The following HMCN1 variants were observed in gnomAD, a reference collection of about 807,000 sequenced individuals.
The protein encoded by HMCN1 is hemicentin 1.
HMCN1 carries 321 observed loss-of-function variants against 625.9 expected under a neutral mutation model. The ratio of observed to expected loss-of-function variants is 0.51; its 90% CI spans 0.47 to 0.56. HMCN1 has a LOEUF of 0.56. Ranked by LOEUF, HMCN1 falls within the 20% of genes least tolerant of loss-of-function variation. The probability of loss-of-function intolerance (pLI) is 0.00; values close to 1 mark genes in which losing one functional copy is unlikely to be tolerated. For missense variants in HMCN1, 6,588 were observed against 6,887.3 expected (o/e 0.96, Z 1.54); for synonymous variants, 2,425 against 2,417.6 (o/e 1.00, Z -0.09).
At position 185,933,683 on chromosome 1, in the gene HMCN1, G is replaced by A. The variant is rs781733335; in HGVS notation, c.1687G>A (p.Ala563Thr). 2 of 1,613,942 alleles carry A rather than the reference G, an allele frequency of 1.2e-6. No individual in the cohort carries two copies. Among genetic ancestry groups the A allele is most frequent in the Non-Finnish European group, 1.7e-6 (2 of 1,179,958 alleles). The change falls in exon 11 of 107, where the codon GCA becomes ACA. Residue 563 changes from alanine to threonine, a missense_variant. Physicochemically the swap from Ala to Thr is moderately conservative, Grantham distance 58 (BLOSUM62 0). Around this residue, in one of 3 missense-constraint regions of HMCN1, gnomAD observed 4,628 missense variants for 4,853.1 expected, o/e 0.95. Transcript: ENST00000271588. ...GAGGAATGACAGAGATGTCAGACTG[G>A]CAGAGCCAGCGAGAATTAGGACCTT... is the stretch of plus-strand genomic sequence containing the variant. ...WQRNDRDVRL[A>T]EPARIRTLAN...
At chr1:186,088,998 C>T (rs1659688654) in intron 63 of HMCN1, among the ~76,000 whole-genome samples, 1 of 151,858 alleles carries the variant, frequency 6.6e-6, no homozygotes, top group Non-Finnish European at 1.5e-5. Flanking sequence ...TTTCCATTTC[C>T]ACTTCCATTA....
At chr1:186,101,646 A>G (rs2383433) in intron 68 of HMCN1, among the ~76,000 whole-genome samples, 95,986 of 151,808 alleles carry the variant, frequency 0.63, 32,298 homozygotes, top group African/African-American at 0.88. Context: ...AGATCTGGAC[A>G]GTCTGGGGTT....
intron 4 of HMCN1, among the ~76,000 whole-genome samples, chr1:185,899,063 A>C (rs181633350): frequency 9.9e-5 from 15 of 152,216 alleles, no homozygotes; most frequent in Non-Finnish European, 1.9e-4. Context: ...AAGGGTAATA[A>C]AATGTGTTTA....
At chr1:185,905,081 A>G (rs1031438299) in intron 4 of HMCN1, among the ~76,000 whole-genome samples, 1 of 151,864 alleles carries the variant, frequency 6.6e-6, no homozygotes, top group African/African-American at 2.4e-5. Flanking sequence ...ATTTAAAACC[A>G]TGCATACAAG....
intron 2 of HMCN1, among the ~76,000 whole-genome samples, chr1:185,863,352 A>G (rs1305069531): frequency 6.6e-6 from 1 of 152,182 alleles, no homozygotes; most frequent in Non-Finnish European, 1.5e-5. Context: ...TTATGTATTA[A>G]TTGCTCAAAT....
At chr1:185,918,996 C>G (rs1187306153) in intron 6 of HMCN1, among the ~76,000 whole-genome samples, 1 of 151,560 alleles carries the variant, frequency 6.6e-6, no homozygotes, top group Non-Finnish European at 1.5e-5. Flanking sequence ...ATATAACCCA[C>G]AGGTTGAATC....
intron 4 of HMCN1, among the ~76,000 whole-genome samples, chr1:185,908,231 GAA>G (rs11335005): frequency 7.0e-6 from 1 of 142,876 alleles, no homozygotes; most frequent in Admixed American, 7.0e-5. Flanking sequence ...GAAAGAAACA[GAA>G]AAAAAAAAGG....
intron 105 of HMCN1, among the ~76,000 whole-genome samples, chr1:186,185,515 G>C (rs979725808): frequency 1.3e-5 from 2 of 152,154 alleles, no homozygotes; most frequent in Non-Finnish European, 2.9e-5. Flanking sequence ...ATTCCTGTAG[G>C]AAAGCTAATC....
At chr1:185,900,781 C>A (rs1665761759) in intron 4 of HMCN1, among the ~76,000 whole-genome samples, 1 of 151,858 alleles carries the variant, frequency 6.6e-6, no homozygotes, top group South Asian at 2.1e-4. Flanking sequence ...ATATTGAGAA[C>A]TTCACTTTAG....
intron 31 of HMCN1, 72 bp from the exon 32 acceptor site, chr1:186,015,886 T>A: frequency 7.1e-7 from 1 of 1,399,674 alleles, no homozygotes; most frequent in Non-Finnish European, 1.0e-6. Flanking sequence ...CAAAAGCTCT[T>A]CTTTATTTCA....
At chr1:185,774,264 G>A (rs1203122345) in intron 1 of HMCN1, among the ~76,000 whole-genome samples, 3 of 152,104 alleles carry the variant, frequency 2.0e-5, no homozygotes, top group African/African-American at 7.2e-5. Flanking sequence ...ATAAATAGAT[G>A]TGATTGATGG....
intron 16 of HMCN1, among the ~76,000 whole-genome samples, chr1:185,980,457 G>A (rs562935047): frequency 8.5e-5 from 13 of 152,304 alleles, no homozygotes; most frequent in African/African-American, 1.9e-4. Context: ...CTTCAAAGTC[G>A]TGCTGGACTT....
intron 4 of HMCN1, among the ~76,000 whole-genome samples, chr1:185,882,015 A>T (rs1473928179): frequency 1.3e-5 from 2 of 152,168 alleles, no homozygotes; most frequent in East Asian, 1.9e-4. Context: ...TTTTTCTTTT[A>T]GAAATGTCTA....
chr1:186,005,495 T>C (rs1653559463), intron 29 of HMCN1, among the ~76,000 whole-genome samples: 1 of 151,476 alleles, frequency 6.6e-6, no homozygotes, highest in South Asian at 2.1e-4. Context: ...TGTTTATAAA[T>C]GTTTATAAAC....
At position 186,130,089 on chromosome 1, in the gene HMCN1, T is replaced by C; in HGVS notation, c.13028T>C (p.Val4343Ala). 6.2e-7 allele frequency: 1 copy of C among 1,613,150 alleles called. No homozygotes were observed. Among genetic ancestry groups the C allele is most frequent in the South Asian group, 1.1e-5 (1 of 91,084 alleles). The part of the protein sequence containing the change: ...SVGFVKAIGF[V>A]YVKEPPVFKG... Reference sequence around the variant, plus strand: ...GGCTTTGTGAAGGCAATTGGATTTGTTTATGTGAAAGGTAGGGAAAAGCGC... The same window carrying C: ...GGCTTTGTGAAGGCAATTGGATTTGCTTATGTGAAAGGTAGGGAAAAGCGC... Residue 4343 changes from valine (V) to alanine (A), a missense_variant, in exon 84 of 107, where the codon GTT becomes GCT. Val to Ala is a moderately conservative substitution (Grantham distance 64, BLOSUM62 0). This residue lies in a region of HMCN1 where 1,954 missense variants were observed against 2,013.1 expected (regional missense o/e 0.97). Transcript: ENST00000271588.
Position 186,081,300 on chromosome 1 carries a change from G to A in HMCN1, c.8693G>A (p.Gly2898Asp). Reference protein sequence around the residue: ...KSALIECLSSGSPAPRNSWQK... With the variant: ...KSALIECLSSDSPAPRNSWQK... ...GCACTGATAGAGTGTTTATCCAGTGGCAGCCCAGCACCAAGGAATTCCTGG... is the reference window on the plus strand; with the variant it reads ...GCACTGATAGAGTGTTTATCCAGTGACAGCCCAGCACCAAGGAATTCCTGG... The change falls in exon 56 of 107, where the codon GGC (glycine) becomes GAC (aspartate). Residue 2898 changes from glycine to aspartate, a missense_variant. This residue lies in a region of HMCN1 where 4,628 missense variants were observed against 4,853.1 expected (regional missense o/e 0.95). Coordinates refer to ENST00000271588, the MANE Select transcript of HMCN1 (RefSeq NM_031935.3). 2 of 1,613,422 alleles carry A rather than the reference G, an allele frequency of 1.2e-6. No individual in the cohort carries two copies. The highest frequency in any genetic ancestry group is 2.2e-5 in the East Asian group (1 of 44,870).
At position 186,001,341 on chromosome 1, in the gene HMCN1, G is replaced by C; in HGVS notation, c.4113G>C (p.Ser1371=). ...ATAAAGAACAAGTTACAAATGTGTC[G>C]GTGTTGTTAAATCAGCTGACCAATC... ...IKDKEQVTNV[S]VLLNQLTNLF... The change falls in exon 27 of 107, where the codon TCG becomes TCC. Residue 1371 remains serine, a synonymous_variant. Transcript: ENST00000271588. 1 of 1,611,570 alleles carries C rather than the reference G, an allele frequency of 6.2e-7. No homozygotes were observed. Among genetic ancestry groups the C allele is most frequent in the Middle Eastern group, 1.7e-4 (1 of 6,058 alleles).
At chr1:186,061,163 A>G (rs1657667579) in intron 46 of HMCN1, among the ~76,000 whole-genome samples, 1 of 152,036 alleles carries the variant, frequency 6.6e-6, no homozygotes, top group Admixed American at 6.6e-5. Flanking sequence ...TTCTCACACT[A>G]CTGTAAAGAA....
chr1:186,053,763 G>T, intron 43 of HMCN1, 62 bp from the exon 44 acceptor site: 1 of 1,523,478 alleles, frequency 6.6e-7, no homozygotes, highest in South Asian at 1.1e-5. Flanking sequence ...GTCATACTTG[G>T]CAATGTATAC....
Sources: allele counts gnomAD v4.1 joint callset (sites outside exome capture counted in the v4.1 genomes callset), GRCh38; gene constraint gnomAD v4.1.1; regional missense constraint gnomAD v4.1.1; transcripts MANE v1.5; gene names NCBI Gene and HGNC (gene_info 2026-07-23, HGNC 2026-07-21).